Variants in SPTSSA observed in about 807,000 individuals in gnomAD.
SPTSSA encodes small subunit of serine palmitoyltransferase A.
A neutral mutation model predicts 9.1 loss-of-function variants in SPTSSA; 8 were observed. The ratio of observed to expected loss-of-function variants is 0.88; its 90% CI spans 0.51 to 1.58. SPTSSA has a LOEUF of 1.58. SPTSSA is among the 40% of genes most tolerant of loss of function. The pLI, the probability that SPTSSA is intolerant of heterozygous loss-of-function variation, is 0.00. For missense variants in SPTSSA, 100 were observed against 93.8 expected, an observed-to-expected ratio of 1.07 and a Z score of -0.27; for synonymous variants, 42 against 37.7, an observed-to-expected ratio of 1.11 and a Z score of -0.41.
At chr14:34,443,215 G>C (rs1227606267) in intron 1 of SPTSSA, among the ~76,000 whole-genome samples, 3 of 99,040 alleles carry the variant, frequency 3.0e-5, no homozygotes, top group Non-Finnish European at 1.9e-5. Flanking sequence ...GTGTGTGTGT[G>C]TGTGTGTGTG....
At chr14:34,446,840 T>G (rs1883429985) in intron 1 of SPTSSA, among the ~76,000 whole-genome samples, 2 of 152,206 alleles carry the variant, frequency 1.3e-5, no homozygotes, top group Non-Finnish European at 2.9e-5. Context: ...TAAACAGACA[T>G]GTATCTGTGC....
chr14:34,453,345 G>A lies in SPTSSA; in HGVS notation c.112+8751C>T, dbSNP rs563403503. The stretch of plus-strand genomic sequence containing the variant: ...TCTATTTTAAGAAAATCAGAAATTC[G>A]CATTTGTACCCAGTCTCCCTCTTCA... On this transcript the variant is annotated intron_variant, in intron 1 of 1. Coordinates refer to ENST00000298130, the MANE Select transcript of SPTSSA (RefSeq NM_138288.4). Among the ~76,000 whole-genome samples the A allele has an allele frequency of 5.9e-5, 9 of 152,306 alleles. No individual in the cohort carries two copies. In the South Asian group the frequency reaches 8.3e-4, roughly 14 times the overall value.
At chr14:34,446,195 G>C (rs1390801968) in intron 1 of SPTSSA, among the ~76,000 whole-genome samples, 1 of 152,138 alleles carries the variant, frequency 6.6e-6, no homozygotes, top group Non-Finnish European at 1.5e-5. Context: ...GGGACCTTGG[G>C]CTTTGGGTTC....
At chr14:34,437,065 C>A (rs1180363960) in intron 1 of SPTSSA, among the ~76,000 whole-genome samples, 1 of 152,208 alleles carries the variant, frequency 6.6e-6, no homozygotes, top group East Asian at 1.9e-4. Flanking sequence ...TCTAAGATCA[C>A]TGGTGGTCTC....
At chr14:34,457,306 C>T (rs78607504) in intron 1 of SPTSSA, among the ~76,000 whole-genome samples, 41,475 of 151,858 alleles carry the variant, frequency 0.27, 6,961 homozygotes, top group African/African-American at 0.48. Flanking sequence ...ATGGTTACAA[C>T]GTTATCCAAG....
chr14:34,438,936 T>G (rs1883279816), intron 1 of SPTSSA, among the ~76,000 whole-genome samples: 1 of 152,162 alleles, frequency 6.6e-6, no homozygotes, highest in Non-Finnish European at 1.5e-5. Flanking sequence ...AGGCAAGTAT[T>G]CAAGGACTTT....
rs963771178 is a variant in SPTSSA, at chr14:34,439,911, A to G, written c.113-4607T>C. Among the ~76,000 whole-genome samples, 10 of 152,340 alleles carry G rather than the reference A, an allele frequency of 6.6e-5. No homozygotes were observed. The South Asian group carries it at 1.2e-3, about 19-fold the overall frequency. On this transcript the variant is annotated intron_variant, in intron 1 of 1. Transcript: ENST00000298130. The stretch of plus-strand genomic sequence containing the variant: ...GCCCTACTCCCCCTAGTAAAACCTA[A>G]TAATTCTAGGAGCTCAGTAGTTATC...
intron 1 of SPTSSA, among the ~76,000 whole-genome samples, chr14:34,459,314 C>G (rs1878562678): frequency 6.8e-6 from 1 of 146,788 alleles, no homozygotes; most frequent in Admixed American, 6.9e-5. Flanking sequence ...CAAAAATTAG[C>G]TGGGCGTGGT....
intron 1 of SPTSSA, among the ~76,000 whole-genome samples, chr14:34,460,610 G>A (rs1432524341): frequency 6.6e-6 from 1 of 151,940 alleles, no homozygotes; most frequent in African/African-American, 2.4e-5. Flanking sequence ...TTCTAATAGT[G>A]CACTCTACAT....
At chr14:34,451,686 C>G (rs944017144) in intron 1 of SPTSSA, among the ~76,000 whole-genome samples, 2 of 148,848 alleles carry the variant, frequency 1.3e-5, no homozygotes, top group South Asian at 4.3e-4. Flanking sequence ...CCACTGCACT[C>G]CTGCCTGGGC....
chr14:34,459,902 T>G (rs868482476), intron 1 of SPTSSA, among the ~76,000 whole-genome samples: 2 of 152,310 alleles, frequency 1.3e-5, no homozygotes, highest in South Asian at 2.1e-4. Context: ...GTTTCTAGGA[T>G]TGATGATTAA....
At chr14:34,460,905 G>C (rs962889466) in intron 1 of SPTSSA, among the ~76,000 whole-genome samples, 3 of 152,172 alleles carry the variant, frequency 2.0e-5, no homozygotes, top group African/African-American at 7.2e-5. Context: ...AATGCCAACA[G>C]TAATAAATAA....
chr14:34,451,610 C>G (rs536208306), intron 1 of SPTSSA, among the ~76,000 whole-genome samples: 1 of 151,366 alleles, frequency 6.6e-6, no homozygotes, highest in Non-Finnish European at 1.5e-5. Flanking sequence ...GTAGTCCCAG[C>G]TACTCCGGAG....
In SPTSSA at chr14:34,435,038, C is replaced by A; in HGVS notation, c.*163G>T. On this transcript the variant is annotated 3_prime_UTR_variant, in exon 2 of 2. Transcript: ENST00000298130. ...TGAAAATTAAAAATAAAGAACACAA[C>A]ACATGAGTCAGGATGATTTTCCTGT... The A allele has an allele frequency of 2.0e-6, 1 of 490,948 alleles. No homozygotes were observed. 30.4% of individuals were successfully genotyped at this position (490,948 alleles called of 1,614,324 possible). A position where few individuals can be genotyped will look rare whatever the true frequency, so the allele number is the denominator to read the frequency against.
At chr14:34,461,749 A>G (rs1186630398) in intron 1 of SPTSSA, among the ~76,000 whole-genome samples, 1 of 152,212 alleles carries the variant, frequency 6.6e-6, no homozygotes, top group East Asian at 1.9e-4. Context: ...CGCCTCCTAC[A>G]GGAACAGGGG....
chr14:34,450,152 G>A (rs1180996956), intron 1 of SPTSSA, among the ~76,000 whole-genome samples: 1 of 152,180 alleles, frequency 6.6e-6, no homozygotes, highest in Admixed American at 6.5e-5. Flanking sequence ...TGCAAGAGAA[G>A]GCAATGTAAT....
intron 1 of SPTSSA, among the ~76,000 whole-genome samples, chr14:34,448,151 G>A (rs1269057152): frequency 6.6e-6 from 1 of 152,098 alleles, no homozygotes; most frequent in East Asian, 1.9e-4. Flanking sequence ...AGCTACTTGG[G>A]AGGCTGAGGC....
At position 34,433,558 on chromosome 14, in the gene SPTSSA, T is replaced by C. The variant is rs1883190746; in HGVS notation, c.*1643A>G. Reference sequence around the variant, plus strand: ...TTCCATATTATTCTCACTACTCCTATCTAATTGTGGTATCAATTGGCTCTA... The same window carrying C: ...TTCCATATTATTCTCACTACTCCTACCTAATTGTGGTATCAATTGGCTCTA... On this transcript the variant is annotated 3_prime_UTR_variant, in exon 2 of 2. Transcript: ENST00000298130. 1 of 152,158 alleles carries C rather than the reference T, an allele frequency of 6.6e-6. No homozygotes were observed. The highest frequency in any genetic ancestry group is 1.5e-5 in the Non-Finnish European group (1 of 68,020). The allele number at this position is 152,158 out of a possible 1,614,324, so 9.4% of individuals were successfully genotyped here. A position where few individuals can be genotyped will look rare whatever the true frequency, so the allele number is the denominator to read the frequency against.
intron 1 of SPTSSA, among the ~76,000 whole-genome samples, chr14:34,452,599 C>T (rs1406418191): frequency 6.6e-6 from 1 of 152,134 alleles, no homozygotes; most frequent in East Asian, 1.9e-4. Flanking sequence ...GAGTAATGAT[C>T]ACGGACTGAA....
Sources: gnomAD v4.1 joint callset for allele counts (sites outside exome capture counted in the v4.1 genomes callset) on GRCh38, gnomAD v4.1.1 for gene constraint, MANE v1.5 for transcripts, NCBI Gene and HGNC (gene_info 2026-07-23, HGNC 2026-07-21) for gene names.